Variants in HCN1 observed in about 807,000 individuals in gnomAD.
HCN1 encodes the protein hyperpolarization activated cyclic nucleotide gated potassium channel 1.
A neutral mutation model predicts 78.9 loss-of-function variants in HCN1; 13 were observed. The ratio of observed to expected loss-of-function variants is 0.16; its 90% CI spans 0.11 to 0.26. HCN1 has a LOEUF of 0.26. HCN1 is among the 10% of genes least tolerant of loss of function. The pLI is 1.00. For missense variants in HCN1, 810 were observed against 1,154.3 expected (o/e 0.70, Z 4.32); for synonymous variants, 552 against 455.5 (o/e 1.21, Z -2.70).
chr5:45,545,018 C>T (rs1447573008), intron 2 of HCN1, among the ~76,000 whole-genome samples: 2 of 152,064 alleles, frequency 1.3e-5, no homozygotes, highest in Admixed American at 6.6e-5. Context: ...CCTGAGGAAT[C>T]GCCACACTGA....
chr5:45,618,582 G>A (rs902054108), intron 2 of HCN1, among the ~76,000 whole-genome samples: 6 of 152,112 alleles, frequency 3.9e-5, no homozygotes, highest in African/African-American at 9.7e-5. Flanking sequence ...TAGAGAACAC[G>A]TGTAATTCAC....
intron 4 of HCN1, among the ~76,000 whole-genome samples, chr5:45,364,544 T>G (rs924636760): frequency 1.3e-5 from 2 of 152,042 alleles, no homozygotes; most frequent in Non-Finnish European, 2.9e-5. Flanking sequence ...AAACGCAAAA[T>G]TGAAATTGTC....
chr5:45,287,524 C>T (rs753008606), intron 6 of HCN1, among the ~76,000 whole-genome samples: 19 of 152,010 alleles, frequency 1.2e-4, no homozygotes, highest in Non-Finnish European at 7.4e-5. Context: ...ATGCCTGGCA[C>T]ATTAAGAACT....
intron 1 of HCN1, among the ~76,000 whole-genome samples, chr5:45,657,204 G>A (rs906514016): frequency 1.3e-5 from 2 of 152,122 alleles, no homozygotes; most frequent in Non-Finnish European, 2.9e-5. Flanking sequence ...CATACTTTAA[G>A]CAGAACTGCC....
intron 2 of HCN1, among the ~76,000 whole-genome samples, chr5:45,545,565 G>T (rs1227679803): frequency 6.6e-6 from 1 of 151,982 alleles, no homozygotes; most frequent in Admixed American, 6.6e-5. Flanking sequence ...TTCTTCTAGG[G>T]TTTTTATGGT....
intron 2 of HCN1, among the ~76,000 whole-genome samples, chr5:45,486,207 T>C (rs941830411): frequency 2.6e-5 from 4 of 152,164 alleles, no homozygotes; most frequent in African/African-American, 7.2e-5. Context: ...AAGGTGTTTA[T>C]GTCATCCAGA....
intron 1 of HCN1, among the ~76,000 whole-genome samples, chr5:45,664,685 A>C (rs1745997808): frequency 1.3e-5 from 2 of 151,952 alleles, no homozygotes; most frequent in Admixed American, 1.3e-4. Flanking sequence ...GCAGCCAAAA[A>C]ACACATGAAA....
intron 3 of HCN1, among the ~76,000 whole-genome samples, chr5:45,424,390 C>T (rs1332299669): frequency 6.6e-6 from 1 of 152,022 alleles, no homozygotes; most frequent in Non-Finnish European, 1.5e-5. Context: ...ATATTAATTT[C>T]CTCTCTTTTA....
At chr5:45,545,360 T>C (rs1743192818) in intron 2 of HCN1, among the ~76,000 whole-genome samples, 1 of 152,214 alleles carries the variant, frequency 6.6e-6, no homozygotes, top group Non-Finnish European at 1.5e-5. Flanking sequence ...CTTTGTCAGA[T>C]GGGTAGATTG....
chr5:45,406,678 AC>A (rs1472778967), intron 3 of HCN1, among the ~76,000 whole-genome samples: 1 of 152,192 alleles, frequency 6.6e-6, no homozygotes, highest in Non-Finnish European at 1.5e-5. Flanking sequence ...TGATAATTAT[AC>A]ATAGGATTTT....
At chr5:45,270,698 G>A (rs1329103421) in intron 6 of HCN1, among the ~76,000 whole-genome samples, 2 of 152,064 alleles carry the variant, frequency 1.3e-5, no homozygotes, top group East Asian at 3.8e-4. Flanking sequence ...TCTTAAATAA[G>A]AAATGTATTT....
intron 3 of HCN1, 135 bp from the exon 4 acceptor site, chr5:45,396,845 T>C (rs973721900): frequency 8.3e-6 from 6 of 724,116 alleles, no homozygotes; most frequent in Non-Finnish European, 1.3e-5. Context: ...TTTACAAATG[T>C]ACTTCTCACT....
chr5:45,456,903 G>A (rs1035810160), intron 3 of HCN1, among the ~76,000 whole-genome samples: 1 of 151,888 alleles, frequency 6.6e-6, no homozygotes, highest in East Asian at 1.9e-4. Flanking sequence ...TCATTTATTT[G>A]TTATGCTCAA....
At chr5:45,305,335 G>A (rs540649367) in intron 5 of HCN1, among the ~76,000 whole-genome samples, 2 of 152,144 alleles carry the variant, frequency 1.3e-5, no homozygotes, top group Admixed American at 1.3e-4. Context: ...GGAAGAGAAG[G>A]TGTTTCATCC....
intron 5 of HCN1, among the ~76,000 whole-genome samples, chr5:45,348,152 C>T (rs536988313): frequency 7.9e-5 from 12 of 152,182 alleles, no homozygotes; most frequent in Non-Finnish European, 1.8e-4. Flanking sequence ...GCCCATCAGA[C>T]TAACAGCAGA....
intron 2 of HCN1, among the ~76,000 whole-genome samples, chr5:45,582,876 G>T (rs1744111408): frequency 6.6e-6 from 1 of 152,274 alleles, no homozygotes; most frequent in African/African-American, 2.4e-5. Flanking sequence ...AAGCCCACTT[G>T]ATTATGGTGG....
chr5:45,565,819 CAAT>C (rs753853682), intron 2 of HCN1, among the ~76,000 whole-genome samples: 1 of 152,032 alleles, frequency 6.6e-6, no homozygotes, highest in East Asian at 1.9e-4. Context: ...ACAACAACAA[CAAT>C]AATAATAATA....
intron 3 of HCN1, among the ~76,000 whole-genome samples, chr5:45,413,832 A>T (rs1361176311): frequency 6.6e-6 from 1 of 152,022 alleles, no homozygotes; most frequent in Non-Finnish European, 1.5e-5. Context: ...ACAATAATCT[A>T]CTGCTTGGCT....
chr5:45,602,155 C>T (rs886295929), intron 2 of HCN1, among the ~76,000 whole-genome samples: 1 of 152,096 alleles, frequency 6.6e-6, no homozygotes, highest in Non-Finnish European at 1.5e-5. Context: ...ATTAAACCAC[C>T]TTCCTTTATA....
Sources: gnomAD v4.1 joint callset for allele counts (sites outside exome capture counted in the v4.1 genomes callset) on GRCh38, gnomAD v4.1.1 for gene constraint, MANE v1.5 for transcripts, NCBI Gene and HGNC (gene_info 2026-07-23, HGNC 2026-07-21) for gene names.